Variants in MYO1E observed in about 807,000 individuals in gnomAD.
MYO1E encodes the protein unconventional myosin-Ie.
Under a neutral mutation model 151.1 loss-of-function variants are expected in MYO1E, and 68 were observed. That is an observed-to-expected ratio of 0.45 (90% CI 0.37 to 0.55). MYO1E has a LOEUF of 0.55. MYO1E is among the 20% of genes least tolerant of loss of function. The pLI, the probability that MYO1E is intolerant of heterozygous loss-of-function variation, is 0.00. For missense variants in MYO1E, 1,363 were observed against 1,389.3 expected (o/e 0.98, Z 0.30); for synonymous variants, 601 against 501.7 (o/e 1.20, Z -2.64).
rs146787480 is a variant in MYO1E at position 59,351,951 on chromosome 15, G to A, written c.3+20547C>T. On this transcript the variant is annotated intron_variant, in intron 1 of 27. Coordinates refer to ENST00000288235, the MANE Select transcript of MYO1E (RefSeq NM_004998.4). Reference sequence around the variant, plus strand: ...TCATGCTATTGATCGTCCCCATTCTGGATCTCTTTCTTCCTCTCTGGCCTG... The same window carrying A: ...TCATGCTATTGATCGTCCCCATTCTAGATCTCTTTCTTCCTCTCTGGCCTG... 2.9e-3 allele frequency among the ~76,000 whole-genome samples: 447 copies of A among 152,276 alleles called. 2 individuals are homozygous for A. The highest frequency in any genetic ancestry group is 3.4e-3 in the Non-Finnish European group (229 of 68,028).
intron 21 of MYO1E, among the ~76,000 whole-genome samples, chr15:59,172,883 G>A (rs1025247914): frequency 2.0e-5 from 3 of 152,226 alleles, no homozygotes; most frequent in Admixed American, 1.3e-4. Context: ...CAGGGCTGCC[G>A]TCACAGCAGC....
chr15:59,331,792 T>C (rs2080699706), intron 1 of MYO1E, among the ~76,000 whole-genome samples: 1 of 152,224 alleles, frequency 6.6e-6, no homozygotes, highest in African/African-American at 2.4e-5. Flanking sequence ...ATGAAAATTA[T>C]TAATGTTTCA....
intron 10 of MYO1E, 30 bp downstream of exon 10, chr15:59,217,861 G>T (rs1415160807): frequency 6.2e-7 from 1 of 1,609,090 alleles, no homozygotes; most frequent in Non-Finnish European, 8.5e-7. Context: ...AAGATATGAA[G>T]CATCACCAGC....
chr15:59,342,854 CAACTT>C (rs2080773547), intron 1 of MYO1E, among the ~76,000 whole-genome samples: 1 of 152,168 alleles, frequency 6.6e-6, no homozygotes, highest in Non-Finnish European at 1.5e-5. Flanking sequence ...AAACTGATCA[CAACTT>C]AACATCGATT....
intron 19 of MYO1E, among the ~76,000 whole-genome samples, chr15:59,174,816 A>C (rs1248334907): frequency 6.6e-6 from 1 of 152,054 alleles, no homozygotes; most frequent in Non-Finnish European, 1.5e-5. Context: ...TAATAACCAC[A>C]GTGACTGGAG....
chr15:59,372,399 C>T, intron 1 of MYO1E, 99 bp downstream of exon 1: 3 of 1,442,328 alleles, frequency 2.1e-6, no homozygotes, highest in Admixed American at 2.0e-5. Context: ...CCTTCTCCAC[C>T]CCTGGCCCCG....
chr15:59,237,427 C>T (rs138441279), intron 4 of MYO1E, among the ~76,000 whole-genome samples: 47 of 152,308 alleles, frequency 3.1e-4, no homozygotes, highest in African/African-American at 9.9e-4. Context: ...AATATATAGT[C>T]TGCTCTTCAA....
chr15:59,151,054 C>CGT (rs1170162358), intron 26 of MYO1E, among the ~76,000 whole-genome samples: 6 of 143,944 alleles, frequency 4.2e-5, no homozygotes, highest in Non-Finnish European at 7.6e-5. Flanking sequence ...CACACACGCG[C>CGT]GCGCGCGCAC....
chr15:59,183,331 A>T (rs1321593068), intron 18 of MYO1E, among the ~76,000 whole-genome samples: 2 of 141,060 alleles, frequency 1.4e-5, no homozygotes, highest in South Asian at 2.5e-4. Flanking sequence ...AGAATAGATT[A>T]AAAAAGGTTT....
At chr15:59,170,498 A>G (rs1223228816) in intron 22 of MYO1E, among the ~76,000 whole-genome samples, 1 of 152,116 alleles carries the variant, frequency 6.6e-6, no homozygotes, top group Non-Finnish European at 1.5e-5. Context: ...GAGTGTGGCC[A>G]GCAGGCACTG....
At chr15:59,214,825 C>T in intron 10 of MYO1E, 105 bp from the exon 11 acceptor site, 2 of 877,930 alleles carry the variant, frequency 2.3e-6, no homozygotes, top group East Asian at 2.4e-5. Flanking sequence ...AACACTACTG[C>T]TTGCAGGAAA....
rs147862383 is a variant in MYO1E, at chr15:59,313,907, C to T, written c.4-41458G>A. Among the ~76,000 whole-genome samples the T allele has an allele frequency of 1.8e-3, 278 of 152,330 alleles. 1 individual carries two copies. Among genetic ancestry groups the T allele is most frequent in the Non-Finnish European group, 1.7e-3 (117 of 68,036 alleles). Reference sequence around the variant, plus strand: ...AATGACTTAATTGCTCCTGTGCATTCGAAACCTGAGAGAGACCATAATGGC... The same window carrying T: ...AATGACTTAATTGCTCCTGTGCATTTGAAACCTGAGAGAGACCATAATGGC... On this transcript the variant is annotated intron_variant, in intron 1 of 27. Transcript: ENST00000288235.
At chr15:59,207,939 T>C (rs772926154) in intron 14 of MYO1E, 4 of 1,614,080 alleles carry the variant, frequency 2.5e-6, no homozygotes, top group Non-Finnish European at 3.4e-6. Flanking sequence ...ATGGAATAGA[T>C]GAAGAAGTAT....
Position 59,133,081 on chromosome 15 carries a change from T to C in MYO1E, c.*4299A>G, listed in dbSNP as rs1452838920. The C allele has an allele frequency of 2.0e-5, 3 of 152,204 alleles. No homozygotes were observed. The highest frequency in any genetic ancestry group is 2.9e-5 in the Non-Finnish European group (2 of 68,038). 9.4% of individuals were successfully genotyped at this position (152,204 alleles called of 1,614,324 possible). ...TAAATATCTGTTGAATTGGAGAAAA[T>C]GATTAAAAGCACAGGCCTTTTGGGC... On this transcript the variant is annotated 3_prime_UTR_variant, in exon 28 of 28. Coordinates refer to ENST00000288235, the MANE Select transcript of MYO1E (RefSeq NM_004998.4).
rs148646956 is a variant in MYO1E, at chr15:59,287,555, T to G, written c.4-15106A>C. Among the ~76,000 whole-genome samples, 824 of 152,312 alleles carry G rather than the reference T, an allele frequency of 5.4e-3. 3 individuals are homozygous for G. The highest frequency in any genetic ancestry group is 0.018 in the African/African-American group (769 of 41,570). On this transcript the variant is annotated intron_variant, in intron 1 of 27. Coordinates refer to ENST00000288235, the MANE Select transcript of MYO1E (RefSeq NM_004998.4). ...GCCTTCCTTTGATCAGCTTAGATCT[T>G]TATTAAAGGTTCAACAGCAAGCCAA...
intron 4 of MYO1E, 42 bp downstream of exon 4, chr15:59,256,242 T>C: frequency 6.9e-7 from 1 of 1,445,326 alleles, no homozygotes; most frequent in Non-Finnish European, 9.7e-7. Flanking sequence ...CACAGCATAG[T>C]CTCATATCTT....
chr15:59,208,181 G>T, intron 14 of MYO1E: 2 of 1,141,192 alleles, frequency 1.8e-6, no homozygotes, highest in East Asian at 2.5e-5. Flanking sequence ...CCTAAAAGAT[G>T]GAAACAGGAA....
At chr15:59,189,080 G>T (rs1383273031) in intron 17 of MYO1E, among the ~76,000 whole-genome samples, 2 of 151,526 alleles carry the variant, frequency 1.3e-5, no homozygotes, top group African/African-American at 4.8e-5. Context: ...ATTTTTTTTT[G>T]ATACAGGGTC....
At chr15:59,284,670 C>A (rs2080377113) in intron 1 of MYO1E, among the ~76,000 whole-genome samples, 1 of 149,698 alleles carries the variant, frequency 6.7e-6, no homozygotes, top group Non-Finnish European at 1.5e-5. Flanking sequence ...AGACAGGGTC[C>A]CACTGTGTTG....
Sources: allele counts gnomAD v4.1 joint callset (sites outside exome capture counted in the v4.1 genomes callset), GRCh38; gene constraint gnomAD v4.1.1; transcripts MANE v1.5; gene names NCBI Gene and HGNC (gene_info 2026-07-23, HGNC 2026-07-21).